The following RSPO2 variants were observed in gnomAD, a reference collection of about 807,000 sequenced individuals.
RSPO2 encodes R-spondin-2.
In RSPO2, 14 loss-of-function variants were observed where a neutral mutation model predicts 30.9. The ratio of observed to expected loss-of-function variants is 0.45; its 90% CI spans 0.30 to 0.71. The LOEUF (loss-of-function observed/expected upper bound fraction) is 0.71. Among genes scored for constraint, RSPO2 ranks in the 30% least tolerant of loss-of-function variants. The probability of loss-of-function intolerance (pLI) is 0.08; values close to 1 mark genes in which losing one functional copy is unlikely to be tolerated. For synonymous variants in RSPO2, 107 were observed against 96.4 expected (o/e 1.11, Z -0.64); for missense variants, 264 against 301.9 (o/e 0.87, Z 0.93).
intron 2 of RSPO2, among the ~76,000 whole-genome samples, chr8:108,027,255 A>C (rs1811252409): frequency 6.6e-6 from 1 of 152,280 alleles, no homozygotes; most frequent in Non-Finnish European, 1.5e-5. Flanking sequence ...CTCAGTAGTT[A>C]GATTTATCCA....
At chr8:107,902,706 G>T (rs1811517721) in intron 5 of RSPO2, among the ~76,000 whole-genome samples, 1 of 152,052 alleles carries the variant, frequency 6.6e-6, no homozygotes, top group African/African-American at 2.4e-5. Context: ...CTAGCACAGT[G>T]ACTGGCACTT....
intron 2 of RSPO2, among the ~76,000 whole-genome samples, chr8:108,078,709 A>C (rs1813091155): frequency 1.3e-5 from 2 of 152,196 alleles, no homozygotes; most frequent in South Asian, 4.1e-4. Flanking sequence ...TTTGTGAAAC[A>C]AGGAGTTATT....
At chr8:108,082,059 C>G (rs1256273630) in intron 2 of RSPO2, 1 of 239,086 alleles carries the variant, frequency 4.2e-6, no homozygotes, top group Non-Finnish European at 6.8e-6. Flanking sequence ...CACCCACACA[C>G]CACACACACA....
At chr8:108,047,426 A>C (rs554624716) in intron 2 of RSPO2, among the ~76,000 whole-genome samples, 22 of 152,356 alleles carry the variant, frequency 1.4e-4, no homozygotes, top group Admixed American at 1.4e-3. Context: ...TTGACCATAT[A>C]TGCTCTTCAA....
At chr8:108,060,055 C>G (rs1812401899) in intron 2 of RSPO2, among the ~76,000 whole-genome samples, 1 of 151,476 alleles carries the variant, frequency 6.6e-6, no homozygotes, top group African/African-American at 2.4e-5. Context: ...GGGGGTGGTT[C>G]CAAGATGGCC....
chr8:107,990,988 T>C (rs1199396168), intron 2 of RSPO2, among the ~76,000 whole-genome samples: 2 of 152,176 alleles, frequency 1.3e-5, no homozygotes, highest in African/African-American at 4.8e-5. Context: ...CCCAGCACTT[T>C]GGGAGGCCGA....
intron 5 of RSPO2, among the ~76,000 whole-genome samples, chr8:107,935,059 G>A (rs921705919): frequency 6.6e-6 from 1 of 152,172 alleles, no homozygotes; most frequent in African/African-American, 2.4e-5. Flanking sequence ...CAGGGAACAA[G>A]GGAGATAACC....
At chr8:108,003,291 ATATATATATATATATATATATTTTTTTTT>A (rs1361281922) in intron 2 of RSPO2, among the ~76,000 whole-genome samples, 2,150 of 31,896 alleles carry the variant, frequency 0.067, 52 homozygotes, top group East Asian at 0.14. Context: ...ATATATATAT[ATATATATATATATATATATATTTTTTTTT>A]TTTTTTTTTT....
In RSPO2 at chr8:107,913,168, G is replaced by T. The variant is rs531109077; in HGVS notation, c.617-11978C>A. Among the ~76,000 whole-genome samples the T allele has an allele frequency of 2.0e-5, 3 of 152,252 alleles. No homozygotes were observed. In the East Asian group the frequency reaches 5.8e-4, roughly 29 times the overall value. ...GATGCCACAGGCAGTAAGTAGTAGA[G>T]TTGGGATTTGAACTTATGTAGTCTG... On this transcript the variant is annotated intron_variant, in intron 5 of 5. Transcript: ENST00000276659.
chr8:107,991,321 A>T (rs1219092617), intron 2 of RSPO2, among the ~76,000 whole-genome samples: 2 of 151,850 alleles, frequency 1.3e-5, no homozygotes, highest in African/African-American at 4.8e-5. Context: ...CTATTCAATA[A>T]ATGATGCTGG....
chr8:107,989,526 G>C (rs971193131), intron 2 of RSPO2: 2 of 335,336 alleles, frequency 6.0e-6, no homozygotes, highest in African/African-American at 2.2e-5. Context: ...GTAGAACTTA[G>C]GGCAAGGTCC....
At position 107,922,078 on chromosome 8, in the gene RSPO2, A is replaced by G. The variant is rs188369658; in HGVS notation, c.617-20888T>C. Among the ~76,000 whole-genome samples the G allele has an allele frequency of 2.9e-3, 436 of 152,266 alleles. 7 individuals are homozygous for G. Among genetic ancestry groups the G allele is most frequent in the Non-Finnish European group, 1.5e-3 (102 of 68,018 alleles). ...TCCTCTCTCACCACTTTTATTCAAC[A>G]TAGTATTGGAAGTCCTGGCCAGAAC... is the stretch of plus-strand genomic sequence containing the variant. On this transcript the variant is annotated intron_variant, in intron 5 of 5. Coordinates refer to ENST00000276659, the MANE Select transcript of RSPO2 (RefSeq NM_178565.5).
At chr8:107,973,797 T>C (rs1814105612) in intron 3 of RSPO2, among the ~76,000 whole-genome samples, 1 of 152,136 alleles carries the variant, frequency 6.6e-6, no homozygotes, top group African/African-American at 2.4e-5. Context: ...CCCATCTTCT[T>C]CCCTTCCTGT....
chr8:108,043,213 T>C (rs962904204), intron 2 of RSPO2, among the ~76,000 whole-genome samples: 1 of 152,132 alleles, frequency 6.6e-6, no homozygotes, highest in Non-Finnish European at 1.5e-5. Flanking sequence ...AGGGTAAGTG[T>C]ACTCAATTTG....
chr8:108,060,529 C>T (rs1015067696), intron 2 of RSPO2, among the ~76,000 whole-genome samples: 8 of 151,668 alleles, frequency 5.3e-5, no homozygotes, highest in Non-Finnish European at 8.8e-5. Flanking sequence ...AAATATGGGA[C>T]TATGTGAAAA....
chr8:108,003,279 A>G (rs6984430), intron 2 of RSPO2, among the ~76,000 whole-genome samples: 133 of 40,994 alleles, frequency 3.2e-3, no homozygotes, highest in East Asian at 0.016. Flanking sequence ...GTGTGTGTGT[A>G]TATATATATA....
Position 108,082,650 on chromosome 8 carries a change from G to A in RSPO2, c.-12C>T. The A allele has an allele frequency of 1.2e-6, 2 of 1,610,446 alleles. No homozygotes were observed. The highest frequency in any genetic ancestry group is 8.5e-7 in the Non-Finnish European group (1 of 1,176,846). ...AGGCGAAACTGCATCTGGGCGGTCG[G>A]GCGGGGGAGAGACGCCTCTCAAAGT... On this transcript the variant is annotated 5_prime_UTR_variant, in exon 2 of 6. Transcript: ENST00000276659.
At chr8:107,936,146 T>C (rs944579568) in intron 5 of RSPO2, among the ~76,000 whole-genome samples, 1 of 152,156 alleles carries the variant, frequency 6.6e-6, no homozygotes, top group African/African-American at 2.4e-5. Flanking sequence ...CATTCTATTC[T>C]CTATCTTCAT....
chr8:107,899,627 T>TG lies in RSPO2; in HGVS notation c.*1447dup, dbSNP rs1811376811. ...AAGAGGTAGTTTTGCCAATGCAAGG[T>TG]GAAAAAAAAAAGGCTTTACCTTGCT... On this transcript the variant is annotated 3_prime_UTR_variant, in exon 6 of 6. Coordinates refer to ENST00000276659, the MANE Select transcript of RSPO2 (RefSeq NM_178565.5). 1 of 151,718 alleles carries TG rather than the reference T, an allele frequency of 6.6e-6. No individual in the cohort carries two copies. The highest frequency in any genetic ancestry group is 2.4e-5 in the African/African-American group (1 of 41,212). 9.4% of individuals were successfully genotyped at this position (151,718 alleles called of 1,614,324 possible). A position where few individuals can be genotyped will look rare whatever the true frequency, so the allele number is the denominator to read the frequency against.
Sources: allele counts gnomAD v4.1 joint callset (sites outside exome capture counted in the v4.1 genomes callset), GRCh38; gene constraint gnomAD v4.1.1; transcripts MANE v1.5; gene names NCBI Gene and HGNC (gene_info 2026-07-23, HGNC 2026-07-21).